The following POFUT3 variants were observed in gnomAD, a reference collection of about 807,000 sequenced individuals.
POFUT3 encodes protein O-fucosyltransferase 3, also known as GDP-fucose protein O-fucosyltransferase 3.
the POFUT3 span, among the ~76,000 whole-genome samples, chr8:33,438,412 T>C: frequency 2.0e-5 from 3 of 152,064 alleles, no homozygotes; most frequent in Non-Finnish European, 4.4e-5. Context: ...ACCCTGTCTC[T>C]ACAAAAAAAA....
chr8:33,385,830 A>C, the POFUT3 span, among the ~76,000 whole-genome samples: 4 of 151,750 alleles, frequency 2.6e-5, no homozygotes, highest in Non-Finnish European at 5.9e-5. Flanking sequence ...TAAAAAATGA[A>C]ACATACTTAA....
the POFUT3 span, among the ~76,000 whole-genome samples, chr8:33,366,371 G>T: frequency 6.6e-6 from 1 of 151,888 alleles, no homozygotes; most frequent in South Asian, 2.1e-4. Flanking sequence ...AAACCTGCAC[G>T]TTGTGTACAT....
the POFUT3 span, among the ~76,000 whole-genome samples, chr8:33,432,143 C>T: frequency 8.9e-4 from 135 of 152,166 alleles, no homozygotes; most frequent in Non-Finnish European, 1.5e-3. Context: ...GGCACGGTGG[C>T]TCACGCCTGT....
the POFUT3 span, among the ~76,000 whole-genome samples, chr8:33,472,032 G>C: frequency 6.6e-6 from 1 of 152,158 alleles, no homozygotes; most frequent in African/African-American, 2.4e-5. Context: ...TTGAGACTAC[G>C]GTAGACCAGG....
At chr8:33,459,750 T>G in the POFUT3 span, among the ~76,000 whole-genome samples, 1 of 152,256 alleles carries the variant, frequency 6.6e-6, no homozygotes, top group African/African-American at 2.4e-5. Context: ...CTGCCCAATT[T>G]TTATTTCAAT....
chr8:33,339,931 T>C, the POFUT3 span, among the ~76,000 whole-genome samples: 1 of 152,140 alleles, frequency 6.6e-6, no homozygotes, highest in African/African-American at 2.4e-5. Context: ...TTTAAAAGCG[T>C]TCTTAAAAGG....
the POFUT3 span, among the ~76,000 whole-genome samples, chr8:33,309,154 A>T: frequency 5.3e-4 from 23 of 43,710 alleles, no homozygotes; most frequent in African/African-American, 3.0e-3. Flanking sequence ...AAAAAAAAAA[A>T]AAAAAAAAAA....
At chr8:33,383,790 C>A in the POFUT3 span, among the ~76,000 whole-genome samples, 1 of 72,230 alleles carries the variant, frequency 1.4e-5, no homozygotes, top group Non-Finnish European at 2.4e-5. Flanking sequence ...CAGAGTGAGA[C>A]TGTCTCAAAA....
the POFUT3 span, among the ~76,000 whole-genome samples, chr8:33,410,830 A>C: frequency 2.0e-5 from 3 of 152,168 alleles, no homozygotes; most frequent in African/African-American, 7.2e-5. Context: ...GTAAAACAGC[A>C]GAGCCACTTC....
At chr8:33,454,245 CTGAA>C in the POFUT3 span, among the ~76,000 whole-genome samples, 1 of 152,228 alleles carries the variant, frequency 6.6e-6, no homozygotes, top group Non-Finnish European at 1.5e-5. Flanking sequence ...GCATTCCTCC[CTGAA>C]GACTCTAGGA....
chr8:33,342,875 G>A, the POFUT3 span, among the ~76,000 whole-genome samples: 30 of 152,288 alleles, frequency 2.0e-4, no homozygotes, highest in Middle Eastern at 0.014. Context: ...GGATGCCGAG[G>A]CGGGCAGATC....
At chr8:33,369,056 C>A in the POFUT3 span, among the ~76,000 whole-genome samples, 1 of 152,214 alleles carries the variant, frequency 6.6e-6, no homozygotes, top group Non-Finnish European at 1.5e-5. Flanking sequence ...CAGGTACTAT[C>A]ATCAACGATT....
the POFUT3 span, among the ~76,000 whole-genome samples, chr8:33,386,188 CAAAAAAAA>C: frequency 3.1e-5 from 1 of 32,044 alleles, no homozygotes; most frequent in Non-Finnish European, 7.8e-5. Flanking sequence ...GGCTCCATCT[CAAAAAAAA>C]AAAAAAAAAA....
chr8:33,401,808 A>G, the POFUT3 span, among the ~76,000 whole-genome samples: 1 of 152,082 alleles, frequency 6.6e-6, no homozygotes, highest in African/African-American at 2.4e-5. Context: ...CGGGTGAATC[A>G]CTTGAGGTCA....
chr8:33,309,164 AAAAATATATATATATAT>A, the POFUT3 span, among the ~76,000 whole-genome samples: 2 of 62,338 alleles, frequency 3.2e-5, 1 homozygote, highest in African/African-American at 2.2e-4. Context: ...AAAAAAAAAA[AAAAATATATATATATAT>A]ATATATATAT....
the POFUT3 span, among the ~76,000 whole-genome samples, chr8:33,395,978 C>G: frequency 3.3e-5 from 5 of 152,212 alleles, no homozygotes; most frequent in African/African-American, 1.2e-4. Context: ...GAGAAGGAAA[C>G]TCTTCCAATT....
the POFUT3 span, among the ~76,000 whole-genome samples, chr8:33,346,691 C>T: frequency 6.6e-6 from 1 of 152,044 alleles, no homozygotes; most frequent in African/African-American, 2.4e-5. Flanking sequence ...CAAGTCACAT[C>T]AGGGCCATAA....
the POFUT3 span, among the ~76,000 whole-genome samples, chr8:33,470,062 G>C: frequency 6.6e-6 from 1 of 151,446 alleles, no homozygotes; most frequent in African/African-American, 2.4e-5. Context: ...CAAAGTGCTA[G>C]GATTACAGGT....
At chr8:33,311,045 G>C in the POFUT3 span, among the ~76,000 whole-genome samples, 39 of 152,168 alleles carry the variant, frequency 2.6e-4, no homozygotes, top group Non-Finnish European at 4.8e-4. Context: ...CTTGTCAGAG[G>C]CTGGGAAAAC....
Sources: allele counts gnomAD v4.1 joint callset (sites outside exome capture counted in the v4.1 genomes callset), GRCh38; gene constraint gnomAD v4.1.1; transcripts MANE v1.5; gene names NCBI Gene and HGNC (gene_info 2026-07-23, HGNC 2026-07-21).